Variants in OTOGL observed in about 807,000 individuals in gnomAD.
OTOGL encodes the protein otogelin-like protein.
In OTOGL, 285 loss-of-function variants were observed where a neutral mutation model predicts 318.5. That is an observed-to-expected ratio of 0.89 (90% CI 0.81 to 0.99). OTOGL has a LOEUF of 0.99. Ranked by LOEUF, OTOGL falls within the 50% of genes least tolerant of loss-of-function variation. The pLI is 0.00. For synonymous variants in OTOGL, 987 were observed against 936.5 expected (o/e 1.05, Z -0.99); for missense variants, 2,899 against 2,845.6 (o/e 1.02, Z -0.43).
chr12:80,253,977 A>C (rs1343103011), intron 14 of OTOGL, among the ~76,000 whole-genome samples: 1 of 152,088 alleles, frequency 6.6e-6, no homozygotes, highest in African/African-American at 2.4e-5. Context: ...GCTAACTAAC[A>C]CTGTTGTCAA....
rs1408951265 is a variant in OTOGL, at chr12:80,352,231, C to T, written c.5266-64C>T. The T allele has an allele frequency of 3.6e-6, 5 of 1,394,508 alleles. No individual in the cohort carries two copies. The African/African-American group carries it at 5.8e-5, about 16-fold the overall frequency. The allele number at this position is 1,394,508 out of a possible 1,614,324, so 86.4% of individuals were successfully genotyped here. A position where few individuals can be genotyped will look rare whatever the true frequency, so the allele number is the denominator to read the frequency against. On this transcript the variant is annotated intron_variant, in intron 44 of 58. Transcript: ENST00000547103. ...CTTTGATTCTCCAAATAATCTTAGT[C>T]TAGCTTAGGGCTTTCAGAGAAATAA...
intron 1 of OTOGL, among the ~76,000 whole-genome samples, chr12:80,127,252 C>G (rs1870910522): frequency 6.6e-6 from 1 of 152,176 alleles, no homozygotes. Context: ...GACAAAATCT[C>G]TCAACATTTG....
chr12:80,124,601 G>A (rs1415298415), intron 1 of OTOGL, among the ~76,000 whole-genome samples: 2 of 152,078 alleles, frequency 1.3e-5, no homozygotes, highest in Non-Finnish European at 2.9e-5. Context: ...TGATGGGGAT[G>A]GCATTGAATC....
Position 80,355,871 on chromosome 12 carries a change from C to T in OTOGL, c.5729C>T (p.Thr1910Met), listed in dbSNP as rs375155261. ...PIEPDCDEEPTPVCEREAEVV... is the reference protein window; with the variant it reads ...PIEPDCDEEPMPVCEREAEVV... ...GAACCTGACTGTGATGAAGAGCCCA[C>T]GCCAGTTTGTGAACGAGAAGCTGAA... The change falls in exon 47 of 59, where the codon ACG becomes ATG. Residue 1910 changes from threonine (T) to methionine (M), a missense_variant. This residue lies in a region of OTOGL where 2,607 missense variants were observed against 2,524.9 expected (regional missense o/e 1.03). Transcript: ENST00000547103. 139 of 1,613,778 alleles carry T rather than the reference C, an allele frequency of 8.6e-5. 1 individual carries two copies. The East Asian group carries it at 1.4e-3, about 17-fold the overall frequency.
intron 1 of OTOGL, among the ~76,000 whole-genome samples, chr12:80,200,576 A>G (rs1051820323): frequency 6.6e-6 from 1 of 152,198 alleles, no homozygotes; most frequent in Non-Finnish European, 1.5e-5. Context: ...AAGCTCAAAT[A>G]TATTAGCTTG....
chr12:80,240,763 C>T (rs1290900495), intron 11 of OTOGL, among the ~76,000 whole-genome samples: 4 of 152,040 alleles, frequency 2.6e-5, no homozygotes, highest in Non-Finnish European at 5.9e-5. Context: ...TTCCTGCATT[C>T]TATCTCAGGT....
intron 1 of OTOGL, among the ~76,000 whole-genome samples, chr12:80,104,370 A>G (rs978275665): frequency 6.6e-6 from 1 of 152,200 alleles, no homozygotes; most frequent in African/African-American, 2.4e-5. Flanking sequence ...GCTCATTAGA[A>G]TCACTGGGGG....
At chr12:80,143,405 T>A (rs888022065) in intron 1 of OTOGL, among the ~76,000 whole-genome samples, 1 of 152,098 alleles carries the variant, frequency 6.6e-6, no homozygotes, top group South Asian at 2.1e-4. Flanking sequence ...AGCCTAAATG[T>A]CACTGCTTGA....
chr12:80,115,951 G>A (rs1046999061), intron 1 of OTOGL, among the ~76,000 whole-genome samples: 6 of 152,180 alleles, frequency 3.9e-5, no homozygotes, highest in Non-Finnish European at 7.3e-5. Flanking sequence ...TGCTGGCAGC[G>A]AGAATTTCAA....
chr12:80,225,487 T>C (rs1434026142), intron 7 of OTOGL, among the ~76,000 whole-genome samples: 2 of 152,140 alleles, frequency 1.3e-5, no homozygotes, highest in Non-Finnish European at 2.9e-5. Context: ...TTCCCCTTGA[T>C]TATAAAAGCA....
chr12:80,297,778 A>G (rs11114390), intron 27 of OTOGL, among the ~76,000 whole-genome samples: 5,407 of 152,258 alleles, frequency 0.036, 328 homozygotes, highest in African/African-American at 0.12. Flanking sequence ...TTTCTGCTTC[A>G]AGCCCACATT....
chr12:80,126,726 G>T (rs945488122), intron 1 of OTOGL, among the ~76,000 whole-genome samples: 6 of 152,176 alleles, frequency 3.9e-5, no homozygotes, highest in Non-Finnish European at 7.3e-5. Flanking sequence ...GGGTGCTCTT[G>T]TATTGGGTGC....
chr12:80,269,740 G>A (rs1883260542), intron 22 of OTOGL, among the ~76,000 whole-genome samples: 1 of 151,868 alleles, frequency 6.6e-6, no homozygotes, highest in Non-Finnish European at 1.5e-5. Flanking sequence ...TTTTTTCTTT[G>A]TTTTACTTCT....
chr12:80,325,627 ACAAT>A (rs1331860379), intron 35 of OTOGL, among the ~76,000 whole-genome samples: 1 of 152,210 alleles, frequency 6.6e-6, no homozygotes, highest in Non-Finnish European at 1.5e-5. Flanking sequence ...AAAAATAAAA[ACAAT>A]CACTCATTTT....
chr12:80,353,272 A>C, intron 45 of OTOGL, 53 bp from the exon 46 acceptor site: 1 of 1,229,008 alleles, frequency 8.1e-7, no homozygotes, highest in Non-Finnish European at 1.1e-6. Context: ...TTTTACTAGA[A>C]TTTAAATAAG....
intron 11 of OTOGL, among the ~76,000 whole-genome samples, chr12:80,240,735 T>C (rs1355556810): frequency 6.6e-6 from 1 of 152,114 alleles, no homozygotes; most frequent in East Asian, 1.9e-4. Context: ...GTAATTTTCT[T>C]CTACCTAAGG....
In OTOGL at chr12:80,270,160, A is replaced by G. The variant is rs1883301399; in HGVS notation, c.2518+6A>G. On this transcript the variant is annotated splice_donor_region_variant and intron_variant, in intron 23 of 58. Transcript: ENST00000547103. Reference sequence around the variant, plus strand: ...ATTAGCAACGCCCTCTGCTGGTAAGATCTTAAAAGATGTTTTCCTGAATGA... The same window carrying G: ...ATTAGCAACGCCCTCTGCTGGTAAGGTCTTAAAAGATGTTTTCCTGAATGA... 6.3e-7 allele frequency: 1 copy of G among 1,594,422 alleles called. No homozygotes were observed. Among genetic ancestry groups the G allele is most frequent in the South Asian group, 1.1e-5 (1 of 90,094 alleles).
intron 1 of OTOGL, among the ~76,000 whole-genome samples, chr12:80,173,695 G>A (rs1170105015): frequency 6.6e-6 from 1 of 152,098 alleles, no homozygotes; most frequent in Non-Finnish European, 1.5e-5. Context: ...ATTTTTCCCA[G>A]TCCCTATTCA....
At chr12:80,278,084 A>T in intron 24 of OTOGL, 84 bp from the exon 25 acceptor site, 1 of 1,031,808 alleles carries the variant, frequency 9.7e-7, no homozygotes, top group Non-Finnish European at 1.5e-6. Context: ...TATAGATGAC[A>T]GTGTTAATAT....
Sources: gnomAD v4.1 joint callset for allele counts (sites outside exome capture counted in the v4.1 genomes callset) on GRCh38, gnomAD v4.1.1 for gene constraint, gnomAD v4.1.1 regional missense constraint, MANE v1.5 for transcripts, NCBI Gene and HGNC (gene_info 2026-07-23, HGNC 2026-07-21) for gene names.